TM4SF4: variants seen among roughly 807,000 people sequenced by gnomAD.
TM4SF4 encodes transmembrane 4 L six family member 4, also known as transmembrane 4 L6 family member 4.
In TM4SF4, 24 loss-of-function variants were observed where a neutral mutation model predicts 24.1. The observed-to-expected ratio is 1.00, with a 90% CI of 0.72 to 1.40. TM4SF4 has a LOEUF of 1.40. Ranked by LOEUF, TM4SF4 falls within the 40% of genes most tolerant of loss-of-function variation. TM4SF4 has a pLI of 0.00. For missense variants in TM4SF4, 254 were observed against 254.2 expected (o/e 1.00, Z 0.01); for synonymous variants, 113 against 97.0 (o/e 1.17, Z -0.97).
chr3:149,479,758 T>G lies in TM4SF4; in HGVS notation c.264+3846T>G, dbSNP rs183569236. Reference sequence around the variant, plus strand: ...AGACACAGACTGGGCCACCAGCTGCTGGGCTGAATCCTCTGTCCTCTCTAC... The same window carrying G: ...AGACACAGACTGGGCCACCAGCTGCGGGGCTGAATCCTCTGTCCTCTCTAC... On this transcript the variant is annotated intron_variant, in intron 2 of 4. Coordinates refer to ENST00000305354, the MANE Select transcript of TM4SF4 (RefSeq NM_004617.4). 8.5e-5 allele frequency among the ~76,000 whole-genome samples: 13 copies of G among 152,322 alleles called. 1 individual carries two copies. In the East Asian group the frequency reaches 2.5e-3, roughly 29 times the overall value.
At position 149,474,886 on chromosome 3, in the gene TM4SF4, T is replaced by A; in HGVS notation, c.9T>A (p.Thr3=). ...TGTCGTACCACCCCAGAATGTGCAC[T>A]GGGGGCTGTGCCAGATGCCTGGGGG... MC[T]GGCARCLGGT... is the part of the protein sequence containing the mutation. The change falls in exon 1 of 5, where the codon ACT becomes ACA. Residue 3 remains threonine, a synonymous_variant. Transcript: ENST00000305354. 6.2e-7 allele frequency: 1 copy of A among 1,613,362 alleles called. No individual in the cohort carries two copies. Among genetic ancestry groups the A allele is most frequent in the Non-Finnish European group, 8.5e-7 (1 of 1,179,682 alleles).
At chr3:149,484,208 A>G (rs1734079872) in intron 2 of TM4SF4, among the ~76,000 whole-genome samples, 1 of 152,132 alleles carries the variant, frequency 6.6e-6, no homozygotes, top group Non-Finnish European at 1.5e-5. Context: ...GTCTGAATAC[A>G]ACATTTATGT....
intron 3 of TM4SF4, among the ~76,000 whole-genome samples, chr3:149,491,789 T>C (rs1170577962): frequency 6.6e-6 from 1 of 152,128 alleles, no homozygotes; most frequent in East Asian, 1.9e-4. Flanking sequence ...GGGCTGATTT[T>C]GGAGGATGAG....
chr3:149,494,347 G>A (rs934409250), intron 3 of TM4SF4, among the ~76,000 whole-genome samples: 2 of 152,164 alleles, frequency 1.3e-5, no homozygotes, highest in Non-Finnish European at 2.9e-5. Context: ...CGCCGTAAAC[G>A]TTTCACAAAT....
chr3:149,487,807 A>G lies in TM4SF4; in HGVS notation c.401+52A>G, dbSNP rs796763836. On this transcript the variant is annotated intron_variant, in intron 3 of 4. Coordinates refer to ENST00000305354, the MANE Select transcript of TM4SF4 (RefSeq NM_004617.4). Reference sequence around the variant, plus strand: ...CTGTCACCACAAGGGGCATGGGCAGATAAATTGCCCAAGGGGAGACTGCAC... The same window carrying G: ...CTGTCACCACAAGGGGCATGGGCAGGTAAATTGCCCAAGGGGAGACTGCAC... 1.7e-5 allele frequency: 27 copies of G among 1,599,162 alleles called. 1 individual carries two copies. The African/African-American group carries it at 3.1e-4, about 18-fold the overall frequency.
chr3:149,480,106 G>A (rs758031276), intron 2 of TM4SF4, among the ~76,000 whole-genome samples: 8 of 150,272 alleles, frequency 5.3e-5, no homozygotes, highest in Non-Finnish European at 1.2e-4. Context: ...AAGGAGAGCC[G>A]GGAAAAGTGA....
At chr3:149,489,248 C>G (rs1451250339) in intron 3 of TM4SF4, among the ~76,000 whole-genome samples, 1 of 152,200 alleles carries the variant, frequency 6.6e-6, no homozygotes, top group Non-Finnish European at 1.5e-5. Flanking sequence ...CCCATTGAGG[C>G]TCTTCCCCTG....
At position 149,499,023 on chromosome 3, in the gene TM4SF4, G is replaced by C. The variant is rs539187634; in HGVS notation, c.591+112G>C. 2.6e-6 allele frequency: 3 copies of C among 1,145,566 alleles called. No homozygotes were observed. The African/African-American group carries it at 4.6e-5, about 18-fold the overall frequency. 71.0% of individuals were successfully genotyped at this position (1,145,566 alleles called of 1,614,324 possible). ...GCACTGAAGGAATGAGGGGGTAAGT[G>C]TGGCCACCTGCAGAAAACCAGCCCA... On this transcript the variant is annotated intron_variant, in intron 4 of 4. Transcript: ENST00000305354.
At position 149,487,741 on chromosome 3, in the gene TM4SF4, C is replaced by T; in HGVS notation, c.387C>T (p.Tyr129=). The T allele has an allele frequency of 6.2e-7, 1 of 1,614,002 alleles. No homozygotes were observed. ...KCLMANSTWG[Y]PFHDGDYLND... ...TCATGGCCAATAGTACATGGGGCTA[C>T]CCCTTCCACGACGGGTAAGGCCACA... Residue 129 remains tyrosine, a synonymous_variant, in exon 3 of 5, where the codon TAC becomes TAT. Transcript: ENST00000305354.
At chr3:149,482,688 C>T (rs1045025703) in intron 2 of TM4SF4, among the ~76,000 whole-genome samples, 2 of 152,118 alleles carry the variant, frequency 1.3e-5, no homozygotes, top group Admixed American at 6.5e-5. Flanking sequence ...GGACTACAAG[C>T]ACACACCACC....
intron 3 of TM4SF4, chr3:149,495,779 C>A: frequency 4.4e-6 from 1 of 225,940 alleles, no homozygotes; most frequent in East Asian, 1.6e-4. Flanking sequence ...TAGTAAGAAG[C>A]AGGCCTTAAA....
chr3:149,499,070 C>A (rs765430036), intron 4 of TM4SF4, among the ~76,000 whole-genome samples, 159 bp downstream of exon 4: 7 of 152,208 alleles, frequency 4.6e-5, no homozygotes, highest in Non-Finnish European at 8.8e-5. Context: ...CCAGTCAGCC[C>A]TGTCTGTCAG....
At chr3:149,481,520 G>C (rs1734033200) in intron 2 of TM4SF4, among the ~76,000 whole-genome samples, 1 of 152,028 alleles carries the variant, frequency 6.6e-6, no homozygotes, top group Admixed American at 6.5e-5. Flanking sequence ...CCCAAGCCTA[G>C]CACAGGCAAA....
Position 149,475,133 on chromosome 3 carries a change from G to A in TM4SF4, c.174+82G>A, listed in dbSNP as rs1350246241. 4.2e-6 allele frequency: 6 copies of A among 1,419,512 alleles called. No individual in the cohort carries two copies. The Admixed American group carries it at 1.3e-4, about 30-fold the overall frequency. The allele number at this position is 1,419,512 out of a possible 1,614,324, so 87.9% of individuals were successfully genotyped here. The stretch of plus-strand genomic sequence containing the variant: ...TTTTAAATCAGGTACTTATTGAACA[G>A]GGAGATATTTAGTTGGTAATAGAAG... On this transcript the variant is annotated intron_variant, in intron 1 of 4. Coordinates refer to ENST00000305354, the MANE Select transcript of TM4SF4 (RefSeq NM_004617.4).
intron 3 of TM4SF4, among the ~76,000 whole-genome samples, chr3:149,498,513 A>G (rs1485083323): frequency 6.6e-6 from 1 of 152,206 alleles, no homozygotes; most frequent in Non-Finnish European, 1.5e-5. Flanking sequence ...AATATGTGCG[A>G]AGTGATTAGA....
intron 3 of TM4SF4, among the ~76,000 whole-genome samples, chr3:149,497,048 G>A (rs1734324295): frequency 6.6e-6 from 1 of 152,182 alleles, no homozygotes; most frequent in African/African-American, 2.4e-5. Flanking sequence ...GTTAAAGGAA[G>A]TGAGTAACTT....
chr3:149,480,978 A>AGCCTCCCGGGTAGCTGG (rs1422410868), intron 2 of TM4SF4, among the ~76,000 whole-genome samples: 5 of 151,962 alleles, frequency 3.3e-5, no homozygotes, highest in Non-Finnish European at 4.4e-5. Flanking sequence ...CTCCTGTCTC[A>AGCCTCCCGGGTAGCTGG]GCCTCCCGGG....
At chr3:149,489,008 G>C (rs1734166410) in intron 3 of TM4SF4, among the ~76,000 whole-genome samples, 2 of 152,178 alleles carry the variant, frequency 1.3e-5, no homozygotes, top group Admixed American at 6.5e-5. Context: ...ACATGGTCTT[G>C]GTTTGTTCAC....
intron 3 of TM4SF4, among the ~76,000 whole-genome samples, chr3:149,496,347 T>C (rs969238230): frequency 5.3e-5 from 8 of 152,030 alleles, no homozygotes; most frequent in African/African-American, 1.9e-4. Context: ...GTAGGTGGGA[T>C]TATAGGTGCG....
Sources: gnomAD v4.1 joint callset for allele counts (sites outside exome capture counted in the v4.1 genomes callset) on GRCh38, gnomAD v4.1.1 for gene constraint, MANE v1.5 for transcripts, NCBI Gene and HGNC (gene_info 2026-07-23, HGNC 2026-07-21) for gene names.